STARD13: variants seen among roughly 807,000 people sequenced by gnomAD.
STARD13 encodes StAR related lipid transfer domain containing 13, also known as stAR-related lipid transfer protein 13.
A neutral mutation model predicts 106.4 loss-of-function variants in STARD13; 62 were observed. The ratio of observed to expected loss-of-function variants is 0.58; its 90% confidence interval spans 0.48 to 0.72. The LOEUF is 0.72. Among genes scored for constraint, STARD13 ranks in the 30% least tolerant of loss-of-function variants. STARD13 has a pLI of 0.00. For missense variants in STARD13, 1,387 were observed against 1,424.0 expected (o/e 0.97, Z 0.42); for synonymous variants, 565 against 553.0 (o/e 1.02, Z -0.31).
chr13:33,474,969 C>G, the STARD13 span, among the ~76,000 whole-genome samples: 3 of 152,056 alleles, frequency 2.0e-5, no homozygotes, highest in Non-Finnish European at 4.4e-5. Context: ...TGCTTAATAT[C>G]TCAGTTTTCA....
At chr13:33,507,366 A>G in the STARD13 span, among the ~76,000 whole-genome samples, 2 of 152,168 alleles carry the variant, frequency 1.3e-5, no homozygotes, top group South Asian at 4.1e-4. Context: ...TTCTAATTAC[A>G]TTAACTTTTT....
intron 1 of STARD13, among the ~76,000 whole-genome samples, chr13:33,259,160 G>A (rs1425985855): frequency 6.6e-6 from 1 of 152,066 alleles, no homozygotes; most frequent in Non-Finnish European, 1.5e-5. Context: ...TGGAGGGTGG[G>A]GCCCACATCT....
chr13:33,373,949 C>T, the STARD13 span, among the ~76,000 whole-genome samples: 4 of 152,094 alleles, frequency 2.6e-5, 1 homozygote, highest in African/African-American at 9.7e-5. Context: ...ATATACCCCA[C>T]ATAATTGAAA....
intron 3 of STARD13, 96 bp downstream of exon 3, chr13:33,165,241 G>A (rs1365879448): frequency 1.1e-6 from 1 of 919,500 alleles, no homozygotes; most frequent in African/African-American, 1.6e-5. Flanking sequence ...GGCACTCAGT[G>A]AATACTTGCC....
intron 1 of STARD13, among the ~76,000 whole-genome samples, chr13:33,181,660 GGT>G (rs1382876757): frequency 6.6e-6 from 1 of 152,150 alleles, no homozygotes; most frequent in Non-Finnish European, 1.5e-5. Context: ...ATGAAAATAA[GGT>G]AACATTATTC....
the STARD13 span, among the ~76,000 whole-genome samples, chr13:33,403,877 A>G: frequency 6.6e-6 from 1 of 152,214 alleles, no homozygotes; most frequent in East Asian, 1.9e-4. Flanking sequence ...GTTAAAAAAA[A>G]TCAATTGCAG....
the STARD13 span, chr13:33,661,175 C>T: frequency 6.6e-6 from 1 of 152,124 alleles, no homozygotes; most frequent in Non-Finnish European, 1.5e-5. Context: ...CAACAAATGC[C>T]ACTTATCATG....
At chr13:33,394,892 G>A in the STARD13 span, among the ~76,000 whole-genome samples, 3 of 152,238 alleles carry the variant, frequency 2.0e-5, no homozygotes, top group Non-Finnish European at 4.4e-5. Context: ...CTTCTGACCT[G>A]ATAAAGTGAT....
the STARD13 span, among the ~76,000 whole-genome samples, chr13:33,617,248 A>G: frequency 6.6e-6 from 1 of 152,206 alleles, no homozygotes; most frequent in African/African-American, 2.4e-5. Flanking sequence ...TGACTAAACG[A>G]GTTAATAGTG....
At position 33,292,269 on chromosome 13, in the gene STARD13, C is replaced by G. The variant is rs768904417; in HGVS notation, c.124+58021G>C. On this transcript the variant is annotated intron_variant, in intron 1 of 5. Transcript: ENST00000567873. ...GTAAGATGAAAAACAAAACAGTGGTCAAGATAAATACAGATCACCAGGTAT... is the reference window on the plus strand; with the variant it reads ...GTAAGATGAAAAACAAAACAGTGGTGAAGATAAATACAGATCACCAGGTAT... 2.6e-5 allele frequency among the ~76,000 whole-genome samples: 4 copies of G among 152,062 alleles called. No homozygotes were observed. The East Asian group carries it at 7.7e-4, about 29-fold the overall frequency.
At chr13:33,344,417 AT>A (rs1239368353), downstream of STARD13, among the ~76,000 whole-genome samples, 8 of 152,260 alleles carry the variant, frequency 5.3e-5, no homozygotes, top group African/African-American at 1.7e-4. Context: ...CAGAAAAGTG[AT>A]GATAAAACGG....
At chr13:33,553,690 C>A in the STARD13 span, among the ~76,000 whole-genome samples, 3 of 151,380 alleles carry the variant, frequency 2.0e-5, no homozygotes. Context: ...AGTGATTCTC[C>A]TGCCTCAGCC....
chr13:33,623,564 G>A, the STARD13 span, among the ~76,000 whole-genome samples: 23 of 150,828 alleles, frequency 1.5e-4, no homozygotes, highest in Admixed American at 3.3e-4. Context: ...GGTTATTTTC[G>A]CCCCATAAAT....
chr13:33,499,506 TTC>T, the STARD13 span, among the ~76,000 whole-genome samples: 522 of 49,074 alleles, frequency 0.011, 28 homozygotes, highest in East Asian at 0.054. Context: ...CTTCTTCTTC[TTC>T]TTCTTCTTTC....
the STARD13 span, among the ~76,000 whole-genome samples, chr13:33,554,443 G>C: frequency 6.6e-6 from 1 of 152,142 alleles, no homozygotes; most frequent in South Asian, 2.1e-4. Context: ...CCATGCCTCA[G>C]ACTCTTCCTC....
the STARD13 span, among the ~76,000 whole-genome samples, chr13:33,614,281 G>GTGTGTGTGTGTT: frequency 1.3e-5 from 2 of 151,792 alleles, no homozygotes; most frequent in South Asian, 4.2e-4. Flanking sequence ...GTGTGTGTGT[G>GTGTGTGTGTGTT]TGTGTGTGTG....
the STARD13 span, among the ~76,000 whole-genome samples, chr13:33,548,462 G>C: frequency 1.1e-4 from 17 of 152,148 alleles, no homozygotes; most frequent in African/African-American, 3.6e-4. Context: ...AGCCATTTCT[G>C]TGGAGTGGAC....
At chr13:33,290,032 C>T (rs950399723), upstream of STARD13, among the ~76,000 whole-genome samples, 2 of 152,142 alleles carry the variant, frequency 1.3e-5, no homozygotes, top group East Asian at 3.8e-4. Flanking sequence ...GAAATTTGAC[C>T]TCTAAGCAAA....
chr13:33,614,887 T>C, the STARD13 span, among the ~76,000 whole-genome samples: 1 of 152,102 alleles, frequency 6.6e-6, no homozygotes, highest in South Asian at 2.1e-4. Flanking sequence ...CAGGCACCGA[T>C]CACATGGGGC....
Sources: allele counts gnomAD v4.1 joint callset (sites outside exome capture counted in the v4.1 genomes callset), GRCh38; gene constraint gnomAD v4.1.1; transcripts MANE v1.5; gene names NCBI Gene and HGNC (gene_info 2026-07-23, HGNC 2026-07-21).